PDIA6: variants seen among roughly 807,000 people sequenced by gnomAD.
PDIA6 encodes protein disulfide isomerase family A member 6, also known as protein disulfide-isomerase A6.
Under a neutral mutation model 58.4 loss-of-function variants are expected in PDIA6, and 29 were observed. That is an observed-to-expected ratio of 0.50 (90% confidence interval 0.37 to 0.68). The LOEUF is 0.68. Ranked by LOEUF, PDIA6 falls within the 30% of genes least tolerant of loss-of-function variation. The pLI is 0.00. For missense variants in PDIA6, 480 were observed against 551.0 expected (o/e 0.87, Z 1.29); for synonymous variants, 192 against 202.6 (o/e 0.95, Z 0.44).
intron 1 of PDIA6, chr2:10,820,687 G>T: frequency 1.4e-6 from 1 of 694,266 alleles, no homozygotes. Context: ...CTCACTATCT[G>T]TCTAAATAAT....
At chr2:10,792,709 A>G (rs2148540330) in intron 5 of PDIA6, among the ~76,000 whole-genome samples, 1 of 147,584 alleles carries the variant, frequency 6.8e-6, no homozygotes, top group Middle Eastern at 3.4e-3. Flanking sequence ...TTTGGGGCTG[A>G]CTGCCACAGA....
At chr2:10,803,317 C>A (rs1330709240) in intron 1 of PDIA6, among the ~76,000 whole-genome samples, 3 of 152,150 alleles carry the variant, frequency 2.0e-5, no homozygotes, top group African/African-American at 7.2e-5. Flanking sequence ...GCCATCACGC[C>A]CGGCTAATTT....
chr2:10,816,495 T>C (rs958724654), upstream of PDIA6, among the ~76,000 whole-genome samples: 18 of 151,018 alleles, frequency 1.2e-4, no homozygotes, highest in African/African-American at 4.4e-4. Flanking sequence ...CTCTATTCAT[T>C]TGCAACATTT....
At chr2:10,818,476 C>G (rs886503182) in intron 2 of PDIA6, among the ~76,000 whole-genome samples, 3 of 137,032 alleles carry the variant, frequency 2.2e-5, no homozygotes, top group African/African-American at 2.7e-5. Context: ...TCACTTTAAC[C>G]ATTTAATTTA....
chr2:10,827,637 A>G (rs1221621350), intron 1 of PDIA6, among the ~76,000 whole-genome samples: 5 of 152,074 alleles, frequency 3.3e-5, no homozygotes, highest in Non-Finnish European at 7.4e-5. Flanking sequence ...CAGCCTGGCC[A>G]ACATGGTGAA....
chr2:10,789,506 A>C (rs558597308), intron 8 of PDIA6, among the ~76,000 whole-genome samples: 2 of 152,348 alleles, frequency 1.3e-5, no homozygotes, highest in African/African-American at 2.4e-5. Flanking sequence ...TGAGAATGAT[A>C]AGCAAGAGTG....
At chr2:10,788,318 C>G (rs1665874031) in intron 10 of PDIA6, among the ~76,000 whole-genome samples, 1 of 152,146 alleles carries the variant, frequency 6.6e-6, no homozygotes, top group Non-Finnish European at 1.5e-5. Flanking sequence ...TTCATTCCTT[C>G]TTTTCCTCCC....
intron 1 of PDIA6, among the ~76,000 whole-genome samples, chr2:10,830,571 G>A (rs2148583458): frequency 6.6e-6 from 1 of 152,380 alleles, no homozygotes; most frequent in South Asian, 2.1e-4. Context: ...AGGATTCTAA[G>A]TTGTTTTCTG....
upstream of PDIA6, among the ~76,000 whole-genome samples, chr2:10,834,740 T>G (rs1239745544): frequency 4.0e-5 from 1 of 24,754 alleles, no homozygotes; most frequent in African/African-American, 1.3e-4. Context: ...CCCTCCTTCC[T>G]TCCTTCCTTC....
upstream of PDIA6, among the ~76,000 whole-genome samples, chr2:10,835,166 C>T (rs1194278941): frequency 2.0e-5 from 3 of 152,080 alleles, no homozygotes; most frequent in Non-Finnish European, 2.9e-5. Context: ...GTACTGTGGC[C>T]GCTGCTCGGC....
intron 1 of PDIA6, among the ~76,000 whole-genome samples, chr2:10,827,951 G>A (rs1667595756): frequency 6.6e-6 from 1 of 151,002 alleles, no homozygotes; most frequent in Admixed American, 6.6e-5. Context: ...ACTTCATTTA[G>A]TCTATTAGAG....
chr2:10,820,150 A>T (rs1424882112), intron 1 of PDIA6, among the ~76,000 whole-genome samples: 1 of 152,220 alleles, frequency 6.6e-6, no homozygotes, highest in Admixed American at 6.5e-5. Flanking sequence ...ACCCACGAAG[A>T]GTTAGGTTAA....
chr2:10,834,669 T>G (rs1031489169), upstream of PDIA6, among the ~76,000 whole-genome samples: 2 of 149,650 alleles, frequency 1.3e-5, no homozygotes, highest in Non-Finnish European at 3.0e-5. Context: ...CAAGGGACAC[T>G]TGATGTGTTT....
At chr2:10,797,950 C>T (rs905930067) in intron 2 of PDIA6, among the ~76,000 whole-genome samples, 193 bp from the exon 3 acceptor site, 3 of 151,434 alleles carry the variant, frequency 2.0e-5, no homozygotes, top group African/African-American at 7.4e-5. Flanking sequence ...CTTTGGGAGG[C>T]CGAGGAGGGA....
chr2:10,828,995 AC>A (rs1257086399), intron 1 of PDIA6, among the ~76,000 whole-genome samples: 1 of 151,898 alleles, frequency 6.6e-6, no homozygotes, highest in Non-Finnish European at 1.5e-5. Context: ...GTTATCCCCC[AC>A]CCCGTCTTCA....
intron 1 of PDIA6, among the ~76,000 whole-genome samples, chr2:10,829,297 G>A (rs942722688): frequency 2.0e-5 from 3 of 152,180 alleles, no homozygotes; most frequent in African/African-American, 7.2e-5. Context: ...CCGCCCCCAG[G>A]CAGCTCCCAG....
At chr2:10,809,645 C>CA (rs56308831) in intron 1 of PDIA6, among the ~76,000 whole-genome samples, 2,244 of 64,594 alleles carry the variant, frequency 0.035, 324 homozygotes, top group African/African-American at 0.091. Context: ...GACCCGGTCT[C>CA]AAAAAAAAAA....
chr2:10,792,949 C>G (rs1666100932), intron 5 of PDIA6, 147 bp downstream of exon 5: 2 of 638,712 alleles, frequency 3.1e-6, no homozygotes, highest in East Asian at 2.9e-5. Flanking sequence ...CTGGTTCCCT[C>G]TGGGATCGGT....
upstream of PDIA6, chr2:10,832,555 G>T (rs945696653): frequency 5.1e-6 from 2 of 392,090 alleles, no homozygotes; most frequent in African/African-American, 2.2e-5. Flanking sequence ...GCGGGGATGC[G>T]TGTGGGATTT....
Sources: gnomAD v4.1 joint callset for allele counts (sites outside exome capture counted in the v4.1 genomes callset) on GRCh38, gnomAD v4.1.1 for gene constraint, MANE v1.5 for transcripts, NCBI Gene and HGNC (gene_info 2026-07-23, HGNC 2026-07-21) for gene names.